FGD3: variants seen among roughly 807,000 people sequenced by gnomAD.
FGD3 encodes the protein FYVE, RhoGEF and PH domain containing 3.
A neutral mutation model predicts 71.8 loss-of-function variants in FGD3; 45 were observed. That is an observed-to-expected ratio of 0.63 (90% CI 0.49 to 0.80). The LOEUF (loss-of-function observed/expected upper bound fraction) is 0.80, where lower values mean the gene tolerates loss of function less well. Ranked by LOEUF, FGD3 falls within the 30% of genes least tolerant of loss-of-function variation. The pLI is 0.00. For synonymous variants in FGD3, 378 were observed against 392.8 expected (o/e 0.96, Z 0.44); for missense variants, 844 against 951.5 (o/e 0.89, Z 1.49).
intron 3 of FGD3, among the ~76,000 whole-genome samples, chr9:93,000,350 A>C (rs2118686858): frequency 6.6e-6 from 1 of 152,262 alleles, no homozygotes; most frequent in African/African-American, 2.4e-5. Flanking sequence ...AAATTATTGT[A>C]TTTATCCATG....
At chr9:93,011,390 T>G (rs535856766) in intron 8 of FGD3, 118 bp downstream of exon 8, 1 of 1,217,836 alleles carries the variant, frequency 8.2e-7, no homozygotes, top group East Asian at 2.4e-5. Context: ...AGTGACTCTT[T>G]TATACCTCCT....
chr9:92,989,487 A>G (rs558320745), intron 3 of FGD3, among the ~76,000 whole-genome samples: 2 of 152,310 alleles, frequency 1.3e-5, no homozygotes, highest in East Asian at 1.9e-4. Flanking sequence ...GTTTCAATCA[A>G]TTTAGAAGTT....
In FGD3 at chr9:93,026,486, G is replaced by C. The variant is rs138089845; in HGVS notation, c.1558-3388G>C. ...CAGCCACACCTTGATGATGGGAGCT[G>C]GAGGGTTGGCCTCGACGGGCTGCGG... On this transcript the variant is annotated intron_variant, in intron 14 of 17. Coordinates refer to ENST00000375482, the MANE Select transcript of FGD3 (RefSeq NM_001083536.2). Among the ~76,000 whole-genome samples, 896 of 152,312 alleles carry C rather than the reference G, an allele frequency of 5.9e-3. 10 individuals are homozygous for C. The highest frequency in any genetic ancestry group is 0.02 in the African/African-American group (850 of 41,556).
At chr9:93,009,901 C>T (rs1482983136) in intron 6 of FGD3, among the ~76,000 whole-genome samples, 2 of 152,212 alleles carry the variant, frequency 1.3e-5, no homozygotes, top group Non-Finnish European at 2.9e-5. Flanking sequence ...AGGAGCCCTG[C>T]TTAGGCCCAC....
chr9:92,976,795 A>C (rs1052312382), intron 3 of FGD3, 86 bp downstream of exon 3: 44 of 1,355,426 alleles, frequency 3.2e-5, no homozygotes, highest in Non-Finnish European at 4.2e-5. Context: ...GTCATCCCAC[A>C]CCTTGTTTCC....
At chr9:93,029,464 C>T (rs2118834360) in intron 14 of FGD3, among the ~76,000 whole-genome samples, 1 of 152,334 alleles carries the variant, frequency 6.6e-6, no homozygotes, top group South Asian at 2.1e-4. Flanking sequence ...GGCGCATGGC[C>T]ACACGGCTCC....
intron 5 of FGD3, 63 bp from the exon 6 acceptor site, chr9:93,005,961 C>A: frequency 6.6e-7 from 1 of 1,521,880 alleles, no homozygotes; most frequent in Non-Finnish European, 8.8e-7. Flanking sequence ...GAGTTCATGT[C>A]CACTAACCTC....
At chr9:93,019,525 C>T (rs1312315665) in intron 11 of FGD3, among the ~76,000 whole-genome samples, 2 of 152,212 alleles carry the variant, frequency 1.3e-5, no homozygotes, top group African/African-American at 4.8e-5. Context: ...TGATGTCAGG[C>T]TGTGCTCTGA....
In FGD3 at chr9:93,006,183, A is replaced by G. The variant is rs776073201; in HGVS notation, c.837+3A>G. ...AAGACGTCGTCCACAGCATCCAGGT[A>G]AGGCCGGCAGTGGGAGTGTGGACAC... On this transcript the variant is annotated splice_donor_region_variant and intron_variant, in intron 6 of 17. Transcript: ENST00000375482. 1.3e-6 allele frequency: 2 copies of G among 1,566,200 alleles called. No homozygotes were observed. Among genetic ancestry groups the G allele is most frequent in the Admixed American group, 3.8e-5 (2 of 53,184 alleles).
chr9:93,009,253 A>G (rs1861199018), intron 6 of FGD3, among the ~76,000 whole-genome samples: 1 of 131,088 alleles, frequency 7.6e-6, no homozygotes, highest in East Asian at 2.1e-4. Flanking sequence ...ACAGAGCGAG[A>G]CTCCGTCTCA....
intron 15 of FGD3, chr9:93,032,380 T>G: frequency 5.0e-6 from 1 of 200,054 alleles, no homozygotes; most frequent in Non-Finnish European, 1.1e-5. Context: ...GCTGTTGTCA[T>G]TGTTTGTCTG....
At chr9:92,958,695 G>A (rs1859110377) in intron 1 of FGD3, among the ~76,000 whole-genome samples, 1 of 152,164 alleles carries the variant, frequency 6.6e-6, no homozygotes, top group Admixed American at 6.5e-5. Context: ...TACAGTTTTA[G>A]CATTCACAAT....
chr9:92,989,111 C>T (rs541615672), intron 3 of FGD3, among the ~76,000 whole-genome samples: 16 of 152,226 alleles, frequency 1.1e-4, no homozygotes, highest in South Asian at 4.2e-4. Flanking sequence ...AGTGCAATGG[C>T]GCAGTCTAGG....
At chr9:93,030,104 CA>C in intron 15 of FGD3, 108 bp downstream of exon 15, 1 of 1,320,108 alleles carries the variant, frequency 7.6e-7, no homozygotes, top group Non-Finnish European at 1.0e-6. Flanking sequence ...ACCAGCCCTG[CA>C]CGGAAGGGCT....
intron 1 of FGD3, among the ~76,000 whole-genome samples, chr9:92,968,256 C>T (rs1363745062): frequency 6.6e-6 from 1 of 152,132 alleles, no homozygotes; most frequent in Non-Finnish European, 1.5e-5. Context: ...CAGTCTTAAA[C>T]AGTAGAAGTA....
chr9:93,004,021 G>T lies in FGD3; in HGVS notation c.564G>T (p.Thr188=). 1.2e-6 allele frequency: 2 copies of T among 1,614,138 alleles called. No homozygotes were observed. The highest frequency in any genetic ancestry group is 1.7e-6 in the Non-Finnish European group (2 of 1,180,034). ...CTCAGGTTTTCTGCACCAGGCTGAC[G>T]GATGCGGGGATCCCTCCAGAAGTCA... ...LLDQVFCTRL[T]DAGIPPEVIM... is the part of the protein sequence containing the mutation. The change falls in exon 5 of 18, where the codon ACG becomes ACT. Residue 188 remains threonine, a synonymous_variant. Coordinates refer to ENST00000375482, the MANE Select transcript of FGD3 (RefSeq NM_001083536.2).
chr9:92,988,586 C>A (rs998899439), intron 3 of FGD3, among the ~76,000 whole-genome samples: 1 of 152,158 alleles, frequency 6.6e-6, no homozygotes, highest in Admixed American at 6.6e-5. Context: ...AATCATAGTT[C>A]CAGGAATGCC....
intron 14 of FGD3, 41 bp from the exon 15 acceptor site, chr9:93,029,833 C>T: frequency 6.3e-7 from 1 of 1,599,588 alleles, no homozygotes; most frequent in Non-Finnish European, 8.5e-7. Context: ...AGGGTGCACA[C>T]ATGATTCAGA....
intron 12 of FGD3, 91 bp from the exon 13 acceptor site, chr9:93,020,226 C>T (rs924194457): frequency 3.0e-5 from 38 of 1,247,608 alleles, no homozygotes; most frequent in Non-Finnish European, 3.7e-5. Context: ...CGCCAAGGCC[C>T]GTCCTCGGGA....
Sources: gnomAD v4.1 joint callset for allele counts (sites outside exome capture counted in the v4.1 genomes callset) on GRCh38, gnomAD v4.1.1 for gene constraint, MANE v1.5 for transcripts, NCBI Gene and HGNC (gene_info 2026-07-23, HGNC 2026-07-21) for gene names.